The following AGXT2 variants were observed in gnomAD, a reference collection of about 807,000 sequenced individuals.
AGXT2 encodes alanine--glyoxylate aminotransferase 2, mitochondrial.
A neutral mutation model predicts 62.5 loss-of-function variants in AGXT2; 61 were observed. The ratio of observed to expected loss-of-function variants is 0.98; its 90% CI spans 0.79 to 1.21. The LOEUF is 1.21. AGXT2 is among the 50% of genes most tolerant of loss of function. The pLI is 0.00. For synonymous variants in AGXT2, 243 were observed against 218.7 expected (o/e 1.11, Z -0.98); for missense variants, 666 against 641.5 (o/e 1.04, Z -0.41).
At chr5:35,035,847 C>A (rs545569553) in intron 4 of AGXT2, among the ~76,000 whole-genome samples, 1 of 152,248 alleles carries the variant, frequency 6.6e-6, no homozygotes, top group East Asian at 1.9e-4. Context: ...GAGGTTGAGG[C>A]GGGCGGATCA....
intron 2 of AGXT2, among the ~76,000 whole-genome samples, chr5:35,040,024 AGTTG>A: frequency 6.6e-6 from 1 of 152,030 alleles, no homozygotes; most frequent in Non-Finnish European, 1.5e-5. Flanking sequence ...CGAATAAAGG[AGTTG>A]CCGTGTGTGT....
intron 3 of AGXT2, among the ~76,000 whole-genome samples, chr5:35,037,521 C>CCCCTTCCT (rs1767824497): frequency 6.6e-6 from 1 of 151,574 alleles, no homozygotes; most frequent in Admixed American, 6.6e-5. Context: ...CCTCCCTTCC[C>CCCCTTCCT]CCCTTCCTCC....
chr5:35,003,729 T>A (rs1209444633), intron 13 of AGXT2, 34 bp downstream of exon 13: 14 of 1,575,630 alleles, frequency 8.9e-6, no homozygotes, highest in Non-Finnish European at 1.2e-5. Context: ...GACTCCTACC[T>A]AGAGCGATAG....
At chr5:35,006,425 T>C (rs572020718) in intron 12 of AGXT2, among the ~76,000 whole-genome samples, 9 of 152,278 alleles carry the variant, frequency 5.9e-5, no homozygotes, top group African/African-American at 2.2e-4. Context: ...CCGCTTCTAG[T>C]GAGGGGCTCA....
intron 1 of AGXT2, among the ~76,000 whole-genome samples, chr5:35,043,873 G>T (rs1164985149): frequency 6.6e-6 from 1 of 152,076 alleles, no homozygotes; most frequent in Non-Finnish European, 1.5e-5. Context: ...TGTATTTTTA[G>T]TAGAGATCGG....
At chr5:35,014,452 C>CAAAAAAAA (rs61052930) in intron 9 of AGXT2, among the ~76,000 whole-genome samples, 4 of 86,212 alleles carry the variant, frequency 4.6e-5, no homozygotes, top group African/African-American at 4.6e-5. Flanking sequence ...GACTCCATCT[C>CAAAAAAAA]AAAAAAAAAA....
At chr5:35,035,026 T>C (rs1421704073) in intron 5 of AGXT2, among the ~76,000 whole-genome samples, 196 bp downstream of exon 5, 1 of 152,160 alleles carries the variant, frequency 6.6e-6, no homozygotes, top group East Asian at 1.9e-4. Context: ...TGGGGCCCCC[T>C]CTCTTGTATC....
chr5:35,006,718 T>C (rs1766438122), intron 12 of AGXT2, among the ~76,000 whole-genome samples: 1 of 152,160 alleles, frequency 6.6e-6, no homozygotes, highest in African/African-American at 2.4e-5. Context: ...ATTTAAAATT[T>C]TGAGAGCTGC....
At chr5:35,005,535 G>A (rs543131033) in intron 12 of AGXT2, among the ~76,000 whole-genome samples, 2 of 152,038 alleles carry the variant, frequency 1.3e-5, no homozygotes, top group Non-Finnish European at 1.5e-5. Flanking sequence ...CAACAGGACA[G>A]TTTTGAATGG....
intron 7 of AGXT2, among the ~76,000 whole-genome samples, chr5:35,031,091 G>A (rs1314789468): frequency 6.6e-6 from 1 of 152,126 alleles, no homozygotes; most frequent in Admixed American, 6.5e-5. Flanking sequence ...CCTCAGTCCT[G>A]GCCTGTGGAA....
chr5:35,038,922 TTC>T (rs1455814968), intron 3 of AGXT2, among the ~76,000 whole-genome samples: 1 of 152,216 alleles, frequency 6.6e-6, no homozygotes. Flanking sequence ...ATGAAGAAGA[TTC>T]TCTAGGCTAG....
Position 35,012,971 on chromosome 5 carries a change from C to T in AGXT2, c.1171G>A (p.Gly391Arg). 3 of 1,551,724 alleles carry T rather than the reference C, an allele frequency of 1.9e-6. No homozygotes were observed. The highest frequency in any genetic ancestry group is 2.6e-6 in the Non-Finnish European group (3 of 1,146,990). The change falls in exon 11 of 14, where the codon GGA (glycine) becomes AGA (arginine). Residue 391 changes from glycine to arginine, a missense_variant. By Grantham distance (125) the Gly-to-Arg change is moderately radical. Coordinates refer to ENST00000231420, the MANE Select transcript of AGXT2 (RefSeq NM_031900.4). ...FGGNPMACAI[G>R]SAVLEVIKEE... The stretch of plus-strand genomic sequence containing the variant: ...GAACCAACCTCAAGCACAGCAGATC[C>T]AATGGCACAGGCCATGGGGTTCCCT...
At chr5:35,032,018 T>A (rs1423191596) in intron 7 of AGXT2, among the ~76,000 whole-genome samples, 1 of 151,240 alleles carries the variant, frequency 6.6e-6, no homozygotes, top group Non-Finnish European at 1.5e-5. Flanking sequence ...AGTGGCGTTA[T>A]CTCAGTTCAC....
Position 35,033,512 on chromosome 5 carries a change from G to A in AGXT2, c.623C>T (p.Thr208Ile), listed in dbSNP as rs147731725. The A allele has an allele frequency of 5.0e-6, 8 of 1,613,714 alleles. No individual in the cohort carries two copies. The African/African-American group carries it at 1.1e-4, about 22-fold the overall frequency. Residue 208 changes from threonine to isoleucine, a missense_variant, in exon 6 of 14, where the codon ACA becomes ATA. Thr to Ile is a moderately conservative substitution (Grantham distance 89). Coordinates refer to ENST00000231420, the MANE Select transcript of AGXT2 (RefSeq NM_031900.4). ...TTCCATCTTGTAGGTCCCTACGTTT[G>A]TCAAGCCAAGTGTGTAAGGACTGCA... ...HGCSPYTLGLTNVGTYKMELP... is the reference protein window; with the variant it reads ...HGCSPYTLGLINVGTYKMELP...
intron 9 of AGXT2, among the ~76,000 whole-genome samples, chr5:35,022,865 T>G (rs1268057902): frequency 6.6e-6 from 1 of 151,846 alleles, no homozygotes; most frequent in Non-Finnish European, 1.5e-5. Context: ...CTGATAATAT[T>G]GTTTTTCTTC....
intron 12 of AGXT2, among the ~76,000 whole-genome samples, chr5:35,009,160 T>C (rs61627349): frequency 0.022 from 3,424 of 152,192 alleles, 120 homozygotes; most frequent in African/African-American, 0.079. Flanking sequence ...GTTCAATTGC[T>C]GTTATGATGA....
intron 9 of AGXT2, 24 bp downstream of exon 9, chr5:35,025,739 A>G (rs780632134): frequency 1.3e-5 from 21 of 1,610,320 alleles, no homozygotes; most frequent in Non-Finnish European, 1.8e-5. Context: ...ACTGCACTCA[A>G]TGGCACCCTT....
intron 9 of AGXT2, among the ~76,000 whole-genome samples, chr5:35,019,524 A>G (rs1414682520): frequency 1.3e-5 from 2 of 152,228 alleles, no homozygotes; most frequent in Non-Finnish European, 2.9e-5. Flanking sequence ...CTTTGAAACC[A>G]TTGAGAACAA....
chr5:35,011,785 A>G lies in AGXT2; in HGVS notation c.1188+1169T>C, dbSNP rs572083295. Reference sequence around the variant, plus strand: ...CCACTTCTGGGTATCTACTCAAAGGAAAAAAAAGCCATTATATCAAAAAGA... The same window carrying G: ...CCACTTCTGGGTATCTACTCAAAGGGAAAAAAAGCCATTATATCAAAAAGA... On this transcript the variant is annotated intron_variant, in intron 11 of 13. Transcript: ENST00000231420. Among the ~76,000 whole-genome samples the G allele has an allele frequency of 5.5e-5, 8 of 144,778 alleles. No individual in the cohort carries two copies. In the East Asian group the frequency reaches 1.5e-3, roughly 28 times the overall value. The allele number at this position is 144,778 out of a possible 152,430, so 95.0% of individuals were successfully genotyped here. A position where few individuals can be genotyped will look rare whatever the true frequency, so the allele number is the denominator to read the frequency against.
Sources: gnomAD v4.1 joint callset for allele counts (sites outside exome capture counted in the v4.1 genomes callset) on GRCh38, gnomAD v4.1.1 for gene constraint, MANE v1.5 for transcripts, NCBI Gene and HGNC (gene_info 2026-07-23, HGNC 2026-07-21) for gene names.